LTBP1: variants seen among roughly 807,000 people sequenced by gnomAD.
LTBP1 encodes the protein latent-transforming growth factor beta-binding protein 1.
A neutral mutation model predicts 207.6 loss-of-function variants in LTBP1; 129 were observed. The observed-to-expected ratio is 0.62, with a 90% CI of 0.54 to 0.72. LTBP1 has a LOEUF of 0.72. LTBP1 is among the 30% of genes least tolerant of loss of function. The pLI, the probability that LTBP1 is intolerant of heterozygous loss-of-function variation, is 0.00. For synonymous variants in LTBP1, 963 were observed against 833.7 expected (o/e 1.16, Z -2.67); for missense variants, 2,281 against 2,217.2 (o/e 1.03, Z -0.58).
chr2:33,055,389 A>G (rs2076946091), intron 3 of LTBP1, among the ~76,000 whole-genome samples: 1 of 152,154 alleles, frequency 6.6e-6, no homozygotes. Flanking sequence ...TGAATAATTC[A>G]TGGGCTTTTT....
intron 16 of LTBP1, 75 bp downstream of exon 16, chr2:33,273,856 A>T (rs1265265444): frequency 5.9e-6 from 8 of 1,346,554 alleles, no homozygotes; most frequent in Non-Finnish European, 7.9e-6. Flanking sequence ...TTCTTAAACC[A>T]ACTTAACCAT....
chr2:33,246,479 GCACA>G lies in LTBP1; in HGVS notation c.1999+2708_1999+2711del, dbSNP rs145652084. ...GACTGGAGATCACACACACGCACACGCACACACACACACACAGACACACACACAG... is the reference window on the plus strand; with the variant it reads ...GACTGGAGATCACACACACGCACACGCACACACACACAGACACACACACAG... On this transcript the variant is annotated intron_variant, in intron 10 of 33. Coordinates refer to ENST00000404816, the MANE Select transcript of LTBP1 (RefSeq NM_206943.4). Among the ~76,000 whole-genome samples, 16 of 147,212 alleles carry G rather than the reference GCACA, an allele frequency of 1.1e-4. No homozygotes were observed. In the South Asian group the frequency reaches 3.0e-3, roughly 27 times the overall value.
intron 19 of LTBP1, among the ~76,000 whole-genome samples, chr2:33,286,051 G>A (rs2093659581): frequency 6.6e-6 from 1 of 152,094 alleles, no homozygotes; most frequent in African/African-American, 2.4e-5. Context: ...CCTTCACAAG[G>A]CAGAATATGC....
At chr2:33,163,984 A>AG (rs1324362577) in intron 5 of LTBP1, among the ~76,000 whole-genome samples, 1 of 151,860 alleles carries the variant, frequency 6.6e-6, no homozygotes, top group East Asian at 1.9e-4. Flanking sequence ...TTTTCTCTTA[A>AG]TATGTCTAGT....
chr2:33,337,877 TG>T, intron 24 of LTBP1, among the ~76,000 whole-genome samples: 1 of 152,240 alleles, frequency 6.6e-6, no homozygotes, highest in Non-Finnish European at 1.5e-5. Context: ...TCTACTCTAA[TG>T]TAATAAATTT....
chr2:33,343,250 T>TAA (rs2094653761), intron 25 of LTBP1, among the ~76,000 whole-genome samples: 1 of 150,598 alleles, frequency 6.6e-6, no homozygotes, highest in African/African-American at 2.5e-5. Context: ...AATAAAAATT[T>TAA]TAAAAAAAAA....
chr2:33,365,621 C>T (rs1191202182), intron 31 of LTBP1, 118 bp downstream of exon 31: 1 of 919,832 alleles, frequency 1.1e-6, no homozygotes, highest in Admixed American at 2.5e-5. Flanking sequence ...ATCTTACTTT[C>T]ATCCCGTGTG....
intron 2 of LTBP1, among the ~76,000 whole-genome samples, chr2:33,004,867 A>G (rs1385105477): frequency 6.7e-6 from 1 of 149,068 alleles, no homozygotes; most frequent in African/African-American, 2.5e-5. Flanking sequence ...ATCAAAGATG[A>G]GTATTTTTCT....
intron 2 of LTBP1, among the ~76,000 whole-genome samples, chr2:32,988,556 G>A (rs962082248): frequency 1.3e-5 from 2 of 152,214 alleles, no homozygotes; most frequent in African/African-American, 4.8e-5. Context: ...GACTAAATGA[G>A]GCACGAGTAA....
chr2:33,033,561 T>C (rs1471865127), intron 3 of LTBP1, among the ~76,000 whole-genome samples: 2 of 151,242 alleles, frequency 1.3e-5, no homozygotes, highest in Non-Finnish European at 2.9e-5. Context: ...TAATAGCTCC[T>C]GTAGAGTTTT....
intron 2 of LTBP1, among the ~76,000 whole-genome samples, chr2:33,017,769 A>G (rs1028414643): frequency 5.9e-5 from 9 of 152,164 alleles, no homozygotes; most frequent in Admixed American, 5.9e-4. Context: ...GGCACCCACC[A>G]GTACGCCTGG....
chr2:33,169,858 C>A (rs55911139), intron 5 of LTBP1, among the ~76,000 whole-genome samples: 71,582 of 152,016 alleles, frequency 0.47, 17,203 homozygotes, highest in Non-Finnish European at 0.51. Context: ...GAAATAAAAG[C>A]AGTAAACAGA....
At chr2:33,294,817 T>A (rs1026866657) in intron 20 of LTBP1, among the ~76,000 whole-genome samples, 12 of 151,706 alleles carry the variant, frequency 7.9e-5, no homozygotes, top group Non-Finnish European at 7.4e-5. Flanking sequence ...GACCTTTTGA[T>A]CCACCTGCCT....
intron 9 of LTBP1, among the ~76,000 whole-genome samples, chr2:33,228,579 A>G (rs1307085522): frequency 2.6e-5 from 4 of 152,160 alleles, no homozygotes; most frequent in Non-Finnish European, 2.9e-5. Context: ...TTTAATCTTC[A>G]AAACAATCCT....
At chr2:33,219,611 A>G (rs970874487) in intron 8 of LTBP1, among the ~76,000 whole-genome samples, 1 of 151,634 alleles carries the variant, frequency 6.6e-6, no homozygotes, top group African/African-American at 2.4e-5. Flanking sequence ...AGGATGATAT[A>G]TTTTCCACTG....
In LTBP1 at chr2:33,199,731, G is replaced by C. The variant is rs201622308; in HGVS notation, c.1701+10880G>C. Among the ~76,000 whole-genome samples the C allele has an allele frequency of 2.0e-5, 3 of 152,204 alleles. No individual in the cohort carries two copies. In the East Asian group the frequency reaches 5.8e-4, roughly 29 times the overall value. ...GATTGTATATCTAGAAAACCCCATCGTCTCAGCCCAAAATCTCCTTAAGCT... is the reference window on the plus strand; with the variant it reads ...GATTGTATATCTAGAAAACCCCATCCTCTCAGCCCAAAATCTCCTTAAGCT... On this transcript the variant is annotated intron_variant, in intron 7 of 33. Coordinates refer to ENST00000404816, the MANE Select transcript of LTBP1 (RefSeq NM_206943.4).
intron 3 of LTBP1, among the ~76,000 whole-genome samples, chr2:33,050,557 A>C (rs1395726266): frequency 6.6e-6 from 1 of 152,144 alleles, no homozygotes; most frequent in African/African-American, 2.4e-5. Flanking sequence ...GCTTTAAAAA[A>C]AATAGGAGAG....
intron 5 of LTBP1, among the ~76,000 whole-genome samples, chr2:33,169,094 C>A (rs1020915945): frequency 1.3e-5 from 2 of 152,116 alleles, no homozygotes; most frequent in African/African-American, 4.8e-5. Context: ...GTAGTGGTTC[C>A]CAAACATTGT....
intron 3 of LTBP1, among the ~76,000 whole-genome samples, chr2:33,040,992 A>G (rs1195946868): frequency 6.6e-6 from 1 of 152,174 alleles, no homozygotes; most frequent in Non-Finnish European, 1.5e-5. Flanking sequence ...CTGCCTCACA[A>G]CTACCCCACC....
Sources: gnomAD v4.1 joint callset for allele counts (sites outside exome capture counted in the v4.1 genomes callset) on GRCh38, gnomAD v4.1.1 for gene constraint, MANE v1.5 for transcripts, NCBI Gene and HGNC (gene_info 2026-07-23, HGNC 2026-07-21) for gene names.